Variants in DST observed in about 807,000 individuals in gnomAD.
DST encodes dystonin.
DST carries 253 observed loss-of-function variants against 875.2 expected under a neutral mutation model. That is an observed-to-expected ratio of 0.29 (90% CI 0.26 to 0.32). The LOEUF is 0.32. DST is among the 10% of genes least tolerant of loss of function. The pLI is 1.00. For synonymous variants in DST, 3,124 were observed against 3,197.1 expected (o/e 0.98, Z 0.77); for missense variants, 8,287 against 9,111.6 (o/e 0.91, Z 3.68).
intron 4 of DST, among the ~76,000 whole-genome samples, chr6:56,767,572 G>A (rs934699636): frequency 6.6e-6 from 1 of 151,788 alleles, no homozygotes; most frequent in Non-Finnish European, 1.5e-5. Flanking sequence ...AGCTGGTATC[G>A]CACGACTGTA....
intron 3 of DST, among the ~76,000 whole-genome samples, chr6:56,859,302 CCAAA>C (rs1245874543): frequency 6.6e-6 from 1 of 151,992 alleles, no homozygotes; most frequent in Non-Finnish European, 1.5e-5. Flanking sequence ...ATAAATCTCC[CCAAA>C]CAGATTACAA....
chr6:56,809,505 T>C (rs1402360148), intron 4 of DST, among the ~76,000 whole-genome samples: 2 of 152,194 alleles, frequency 1.3e-5, no homozygotes, highest in African/African-American at 2.4e-5. Context: ...TATATTCTTA[T>C]ATAGTCAAAC....
In DST at chr6:56,634,624, A is replaced by G; in HGVS notation, c.3340-8T>C. The G allele has an allele frequency of 1.2e-6, 2 of 1,614,050 alleles. No homozygotes were observed. Among genetic ancestry groups the G allele is most frequent in the Non-Finnish European group, 1.7e-6 (2 of 1,179,928 alleles). ...GTCTTTGTAAATGGTTATCTGGTTT[A>G]AAATAAAGAGCAGAATAACTCAATG... On this transcript the variant is annotated splice_region_variant and splice_polypyrimidine_tract_variant and intron_variant, in intron 25 of 103. Transcript: ENST00000680361.
chr6:56,626,634 AAAATT>A (rs1288929202), intron 34 of DST, among the ~76,000 whole-genome samples: 20 of 152,344 alleles, frequency 1.3e-4, no homozygotes, highest in African/African-American at 4.8e-4. Flanking sequence ...ACTGTAGAGC[AAAATT>A]ACATTTTTAG....
chr6:56,494,223 A>G (rs779356204), intron 82 of DST, 43 bp from the exon 83 acceptor site: 1 of 1,535,830 alleles, frequency 6.5e-7, no homozygotes, highest in Admixed American at 2.0e-5. Context: ...TAAGAAAGTA[A>G]AATTTAAGAG....
chr6:56,897,115 T>C (rs1193179163), intron 3 of DST, among the ~76,000 whole-genome samples: 1 of 152,188 alleles, frequency 6.6e-6, no homozygotes, highest in Non-Finnish European at 1.5e-5. Flanking sequence ...TTTAAGTCCT[T>C]AATCTATCTT....
Position 56,634,607 on chromosome 6 carries a change from A to T in DST, c.3349T>A (p.Tyr1117Asn). The T allele has an allele frequency of 6.2e-7, 1 of 1,614,174 alleles. No homozygotes were observed. The highest frequency in any genetic ancestry group is 1.1e-5 in the South Asian group (1 of 91,070). Residue 1117 changes from tyrosine to asparagine, a missense_variant, in exon 26 of 104, where the codon TAC (tyrosine) becomes AAC (asparagine). This residue lies in a region of DST where 1,160 missense variants were observed against 1,424.3 expected (regional missense o/e 0.81). Coordinates refer to ENST00000680361, the MANE Select transcript of DST (RefSeq NM_001374736.1). ...GCCAAAACACATTCATCGTCTTTGT[A>T]AATGGTTATCTGGTTTAAAATAAAG... ...CDYRQIEITI[Y>N]KDDECVLANN...
intron 2 of DST, among the ~76,000 whole-genome samples, chr6:56,941,140 T>C (rs1816320206): frequency 6.6e-6 from 1 of 152,202 alleles, no homozygotes; most frequent in African/African-American, 2.4e-5. Flanking sequence ...GCTTTGTTAA[T>C]TGATTTTAGA....
chr6:56,721,364 G>A (rs2099415792), intron 5 of DST, among the ~76,000 whole-genome samples: 1 of 152,260 alleles, frequency 6.6e-6, no homozygotes, highest in African/African-American at 2.4e-5. Flanking sequence ...ACAGGATTAA[G>A]AGATTAAAGT....
intron 50 of DST, among the ~76,000 whole-genome samples, chr6:56,576,737 G>C (rs114386600): frequency 0.01 from 1,563 of 152,198 alleles, 27 homozygotes; most frequent in African/African-American, 0.035. Context: ...GCCCTTAGAA[G>C]AAGAAACAGG....
At chr6:56,505,494 A>AG (rs2096280107) in intron 77 of DST, among the ~76,000 whole-genome samples, 1 of 151,472 alleles carries the variant, frequency 6.6e-6, no homozygotes, top group East Asian at 1.9e-4. Flanking sequence ...AAAAAAAAAA[A>AG]GAAGAGGGAG....
chr6:56,664,644 TG>T (rs2152818301), intron 10 of DST, among the ~76,000 whole-genome samples: 1 of 152,328 alleles, frequency 6.6e-6, no homozygotes, highest in South Asian at 2.1e-4. Flanking sequence ...GACAACCTTT[TG>T]ATCTAAGTTC....
rs139560198 is a variant in DST at position 56,919,761 on chromosome 6, A to G, written c.217-19140T>C. Reference sequence around the variant, plus strand: ...CAGGAGTTTGAGGGCAGCCTGGCCAATATGGTGAAACCCCATCTCTACTAA... The same window carrying G: ...CAGGAGTTTGAGGGCAGCCTGGCCAGTATGGTGAAACCCCATCTCTACTAA... On this transcript the variant is annotated intron_variant, in intron 2 of 103. Transcript: ENST00000680361. Among the ~76,000 whole-genome samples the G allele has an allele frequency of 9.2e-3, 1,406 of 152,264 alleles. 22 individuals are homozygous for G. The highest frequency in any genetic ancestry group is 0.032 in the African/African-American group (1,323 of 41,544).
intron 37 of DST, 149 bp downstream of exon 37, chr6:56,614,207 G>A (rs549737971): frequency 6.3e-6 from 4 of 638,404 alleles, no homozygotes; most frequent in South Asian, 5.1e-5. Context: ...CTTTGGGCAA[G>A]TTATTTAATC....
intron 5 of DST, among the ~76,000 whole-genome samples, chr6:56,705,238 C>G (rs2099328694): frequency 6.6e-6 from 1 of 152,194 alleles, no homozygotes; most frequent in African/African-American, 2.4e-5. Flanking sequence ...TCTCGCCTTT[C>G]AGTGATTCTG....
chr6:56,487,174 G>A lies in DST; in HGVS notation c.20977C>T (p.Leu6993=). ...TCACTCAGCATGTCATCCAGTTTCAGGTTGTCATCAGCCAGGGAGGTTTTC... is the reference window on the plus strand; with the variant it reads ...TCACTCAGCATGTCATCCAGTTTCAAGTTGTCATCAGCCAGGGAGGTTTTC... ...KEKTSLADDN[L]KLDDMLSELR... The change falls in exon 87 of 104, where the codon CTG becomes TTG. Residue 6993 remains leucine, a synonymous_variant. Coordinates refer to ENST00000680361, the MANE Select transcript of DST (RefSeq NM_001374736.1). 6.2e-7 allele frequency: 1 copy of A among 1,613,908 alleles called. No homozygotes were observed. The highest frequency in any genetic ancestry group is 1.6e-4 in the Middle Eastern group (1 of 6,062).
intron 4 of DST, among the ~76,000 whole-genome samples, chr6:56,808,195 G>A (rs958857454): frequency 5.3e-5 from 8 of 151,632 alleles, no homozygotes; most frequent in African/African-American, 1.9e-4. Context: ...ACCTACCCAA[G>A]CCCTAACAAA....
chr6:56,541,317 T>A (rs1562659495), intron 61 of DST: 1 of 152,600 alleles, frequency 6.6e-6, no homozygotes, highest in Non-Finnish European at 1.5e-5. Context: ...CTGGAAGAAG[T>A]AAGGGCACCA....
At chr6:56,536,968 G>T in intron 61 of DST, 28 bp from the exon 62 acceptor site, 1 of 1,601,708 alleles carries the variant, frequency 6.2e-7, no homozygotes. Flanking sequence ...ATAATTATAT[G>T]AGTTATATTA....
Sources: allele counts gnomAD v4.1 joint callset (sites outside exome capture counted in the v4.1 genomes callset), GRCh38; gene constraint gnomAD v4.1.1; regional missense constraint gnomAD v4.1.1; transcripts MANE v1.5; gene names NCBI Gene and HGNC (gene_info 2026-07-23, HGNC 2026-07-21).